The following ETNK2 variants were observed in gnomAD, a reference collection of about 807,000 sequenced individuals.
ETNK2 encodes the protein ethanolamine kinase 2.
ETNK2 carries 33 observed loss-of-function variants against 46.2 expected under a neutral mutation model. The observed-to-expected ratio is 0.71, with a 90% CI of 0.54 to 0.96. The LOEUF (loss-of-function observed/expected upper bound fraction) is 0.96, where lower values mean the gene tolerates loss of function less well. Among genes scored for constraint, ETNK2 ranks in the 40% least tolerant of loss-of-function variants. The probability of loss-of-function intolerance (pLI) is 0.00; values close to 1 mark genes in which losing one functional copy is unlikely to be tolerated. For missense variants in ETNK2, 445 were observed against 509.7 expected, an observed-to-expected ratio of 0.87 and a Z score of 1.22; for synonymous variants, 194 against 209.0, an observed-to-expected ratio of 0.93 and a Z score of 0.62.
In ETNK2 at chr1:204,137,242, A is replaced by G. The variant is rs201036824; in HGVS notation, c.876T>C (p.Asn292=). Residue 292 remains asparagine, a synonymous_variant, in exon 6 of 8, where the codon AAT becomes AAC. Transcript: ENST00000367202. ...GNHFNEFAGV[N]EVDYCLYPAR... is the part of the protein sequence containing the mutation. ...CCGGGTACAGGCAGTAATCCACCTC[A>G]TTCACGCCTGAGGGGGAGGCAGGCC... is the stretch of plus-strand genomic sequence containing the variant. 8.4e-5 allele frequency: 136 copies of G among 1,613,544 alleles called. No homozygotes were observed. The highest frequency in any genetic ancestry group is 2.2e-5 in the East Asian group (1 of 44,866).
chr1:204,132,477 A>G (rs990117448), intron 7 of ETNK2, among the ~76,000 whole-genome samples: 6 of 152,188 alleles, frequency 3.9e-5, no homozygotes, highest in Non-Finnish European at 7.3e-5. Flanking sequence ...TCTGTCACCC[A>G]GGCTGGAGTG....
rs755276490 is a variant in ETNK2, at chr1:204,141,481, C to G, written c.642-24G>C. 7.1e-6 allele frequency: 11 copies of G among 1,558,032 alleles called. No homozygotes were observed. In the East Asian group the frequency reaches 2.4e-4, roughly 34 times the overall value. ...GGCTGGGCAGTGGCAAAAAAGGTAG[C>G]CAGTGAAAGGAGGGCTGATAGACAG... is the stretch of plus-strand genomic sequence containing the variant. On this transcript the variant is annotated intron_variant, in intron 3 of 7. Coordinates refer to ENST00000367202, the MANE Select transcript of ETNK2 (RefSeq NM_018208.4).
intron 4 of ETNK2, chr1:204,140,978 T>C (rs1322021165): frequency 5.3e-6 from 2 of 374,776 alleles, no homozygotes; most frequent in African/African-American, 2.1e-5. Flanking sequence ...TGTACCACCA[T>C]ACCAGGAAAA....
intron 6 of ETNK2, among the ~76,000 whole-genome samples, 195 bp downstream of exon 6, chr1:204,136,909 A>T (rs1394978641): frequency 6.6e-6 from 1 of 152,130 alleles, no homozygotes; most frequent in East Asian, 1.9e-4. Flanking sequence ...GGAGCAGGGA[A>T]CAGGGCATCA....
chr1:204,146,870 G>A (rs1382623774), intron 2 of ETNK2, 106 bp from the exon 3 acceptor site: 16 of 1,417,042 alleles, frequency 1.1e-5, no homozygotes, highest in African/African-American at 2.8e-5. Context: ...CAGGGCACTT[G>A]CCAGAGGGCC....
Position 204,132,370 on chromosome 1 carries a change from G to A in ETNK2, c.1089-114C>T, listed in dbSNP as rs1004797461. 2.3e-5 allele frequency: 17 copies of A among 738,060 alleles called. No homozygotes were observed. The African/African-American group carries it at 2.4e-4, about 11-fold the overall frequency. 45.7% of individuals were successfully genotyped at this position (738,060 alleles called of 1,614,324 possible). On this transcript the variant is annotated intron_variant, in intron 7 of 7. Transcript: ENST00000367202. ...AGTGGCTCTAGGCCTATCTAAGTCT[G>A]AGCAGATCAACCCCAACCCAGACTG...
chr1:204,133,845 A>C (rs1006199077), intron 7 of ETNK2, among the ~76,000 whole-genome samples: 2 of 152,066 alleles, frequency 1.3e-5, no homozygotes. Flanking sequence ...CGTGCTCTTC[A>C]TTTGCATTTC....
intron 6 of ETNK2, among the ~76,000 whole-genome samples, chr1:204,135,428 G>GT (rs1657245056): frequency 6.6e-6 from 1 of 152,042 alleles, no homozygotes; most frequent in Non-Finnish European, 1.5e-5. Flanking sequence ...TAAAATAAAA[G>GT]TAAAAAAATA....
intron 2 of ETNK2, among the ~76,000 whole-genome samples, chr1:204,147,877 A>G (rs114013905): frequency 0.016 from 2,489 of 152,290 alleles, 40 homozygotes; most frequent in Non-Finnish European, 0.023. Flanking sequence ...TTTCTTTCAG[A>G]GGCCAGAGGC....
intron 6 of ETNK2, 82 bp downstream of exon 6, chr1:204,137,022 C>G (rs1481825502): frequency 6.4e-7 from 1 of 1,559,138 alleles, no homozygotes; most frequent in Non-Finnish European, 8.7e-7. Flanking sequence ...ACCCTGGGCT[C>G]TGGGTAGGAG....
At chr1:204,137,022 C>T in intron 6 of ETNK2, 82 bp downstream of exon 6, 1 of 1,559,256 alleles carries the variant, frequency 6.4e-7, no homozygotes, top group Non-Finnish European at 8.7e-7. Context: ...ACCCTGGGCT[C>T]TGGGTAGGAG....
chr1:204,140,917 G>A, intron 4 of ETNK2: 1 of 344,300 alleles, frequency 2.9e-6, no homozygotes, highest in Non-Finnish European at 5.7e-6. Flanking sequence ...CCACCTCCCA[G>A]GCTCAAGTGA....
intron 3 of ETNK2, among the ~76,000 whole-genome samples, chr1:204,145,514 C>T (rs181862178): frequency 6.6e-6 from 1 of 152,326 alleles, no homozygotes; most frequent in African/African-American, 2.4e-5. Flanking sequence ...AAAGGAGGTC[C>T]TTGTCCCAAA....
Position 204,140,070 on chromosome 1 carries a change from G to C in ETNK2, c.833C>G (p.Ala278Gly). 3 of 1,613,926 alleles carry C rather than the reference G, an allele frequency of 1.9e-6. No individual in the cohort carries two copies. Among genetic ancestry groups the C allele is most frequent in the South Asian group, 1.1e-5 (1 of 91,076 alleles). ...DYEYAGYNYQ[A>G]FDIGNHFNEF... The stretch of plus-strand genomic sequence containing the variant: ...ATTGAAATGGTTGCCAATGTCAAAA[G>C]CTTGGTAGTTGTAGCCAGCATATTC... Residue 278 changes from alanine (A) to glycine (G), a missense_variant, in exon 5 of 8, where the codon GCT (alanine) becomes GGT (glycine). Ala to Gly is a moderately conservative substitution (Grantham distance 60). Coordinates refer to ENST00000367202, the MANE Select transcript of ETNK2 (RefSeq NM_018208.4).
At chr1:204,148,256 C>T (rs150485417) in intron 2 of ETNK2, among the ~76,000 whole-genome samples, 3 of 152,254 alleles carry the variant, frequency 2.0e-5, no homozygotes, top group South Asian at 2.1e-4. Context: ...CCAGATGTCA[C>T]GTTCTTCTTC....
rs1160741398 is a variant in ETNK2, at chr1:204,151,721, G to A, written c.132C>T (p.Gly44=). 1.6e-5 allele frequency: 24 copies of A among 1,540,278 alleles called. No individual in the cohort carries two copies. The Admixed American group carries it at 2.3e-4, about 15-fold the overall frequency. The part of the protein sequence containing the change: ...AASASCREPP[G]PPRAAAVAYF... ...ACGCGACGGCGGCGGCCCTCGGGGG[G>A]CCCGGCGGCTCCCGGCAGCTGGCGC... Residue 44 remains glycine (G), a synonymous_variant, in exon 1 of 8, where the codon GGC becomes GGT. Coordinates refer to ENST00000367202, the MANE Select transcript of ETNK2 (RefSeq NM_018208.4). The surrounding 1 kb of genome is among the most constrained non-coding windows in gnomAD (Gnocchi z 8.0).
chr1:204,146,349 C>T (rs940652), intron 3 of ETNK2, among the ~76,000 whole-genome samples: 135,850 of 152,150 alleles, frequency 0.89, 60,696 homozygotes, highest in South Asian at 0.93. Flanking sequence ...TTCGGCATCC[C>T]CTAAGTAAAA....
rs995081385 is a variant in ETNK2 at position 204,137,337 on chromosome 1, C to G, written c.869-88G>C. 4 of 1,473,480 alleles carry G rather than the reference C, an allele frequency of 2.7e-6. No individual in the cohort carries two copies. The African/African-American group carries it at 4.2e-5, about 16-fold the overall frequency. 91.3% of individuals were successfully genotyped at this position (1,473,480 alleles called of 1,614,324 possible). A position where few individuals can be genotyped will look rare whatever the true frequency, so the allele number is the denominator to read the frequency against. Reference sequence around the variant, plus strand: ...CTCAGTAGGTGTTCCCATCTCCCCTCAAACTCCCATCTCCTTTGATCTTTG... The same window carrying G: ...CTCAGTAGGTGTTCCCATCTCCCCTGAAACTCCCATCTCCTTTGATCTTTG... On this transcript the variant is annotated intron_variant, in intron 5 of 7. Coordinates refer to ENST00000367202, the MANE Select transcript of ETNK2 (RefSeq NM_018208.4).
intron 2 of ETNK2, 33 bp from the exon 3 acceptor site, chr1:204,146,797 G>T: frequency 6.2e-7 from 1 of 1,613,498 alleles, no homozygotes; most frequent in Non-Finnish European, 8.5e-7. Context: ...TAGAGCATCA[G>T]TGCTGGGACA....
Sources: gnomAD v4.1 joint callset for allele counts (sites outside exome capture counted in the v4.1 genomes callset) on GRCh38, gnomAD v4.1.1 for gene constraint, Gnocchi (gnomAD v3.1) non-coding constraint, MANE v1.5 for transcripts, NCBI Gene and HGNC (gene_info 2026-07-23, HGNC 2026-07-21) for gene names.